LRP1B: variants seen among roughly 807,000 people sequenced by gnomAD.
The protein encoded by LRP1B is LDL receptor related protein 1B, also known as low-density lipoprotein receptor-related protein 1B.
Under a neutral mutation model 556.6 loss-of-function variants are expected in LRP1B, and 217 were observed. The observed-to-expected ratio is 0.39, with a 90% CI of 0.35 to 0.44. The LOEUF is 0.44. LRP1B is among the 20% of genes least tolerant of loss of function. LRP1B has a pLI of 1.00. For missense variants in LRP1B, 5,053 were observed against 5,620.8 expected (o/e 0.90, Z 3.23); for synonymous variants, 2,047 against 1,865.8 (o/e 1.10, Z -2.50).
intron 2 of LRP1B, among the ~76,000 whole-genome samples, chr2:141,594,591 C>G (rs1459938005): frequency 1.3e-5 from 2 of 151,946 alleles, no homozygotes; most frequent in Non-Finnish European, 2.9e-5. Flanking sequence ...TAGAAACAAC[C>G]AATTTAAAGA....
intron 7 of LRP1B, among the ~76,000 whole-genome samples, chr2:141,101,429 A>C (rs72985189): frequency 0.013 from 1,966 of 152,316 alleles, 44 homozygotes; most frequent in African/African-American, 0.044. Context: ...ATATAACATG[A>C]AACTGTAGTT....
chr2:140,950,678 T>A (rs577531682), intron 19 of LRP1B, among the ~76,000 whole-genome samples: 1 of 152,136 alleles, frequency 6.6e-6, no homozygotes, highest in Non-Finnish European at 1.5e-5. Context: ...TTAGTAAAGA[T>A]GGGGTTTCGC....
At chr2:141,124,172 GA>G (rs1247409336) in intron 7 of LRP1B, among the ~76,000 whole-genome samples, 1 of 152,106 alleles carries the variant, frequency 6.6e-6, no homozygotes, top group Non-Finnish European at 1.5e-5. Flanking sequence ...TGGTGGCCAA[GA>G]GAGGCCCAGA....
At chr2:141,307,922 C>T (rs1244638290) in intron 3 of LRP1B, among the ~76,000 whole-genome samples, 1 of 152,122 alleles carries the variant, frequency 6.6e-6, no homozygotes, top group African/African-American at 2.4e-5. Flanking sequence ...GGCCCACTCT[C>T]TGGCTCCCAA....
At chr2:140,987,025 C>A (rs901664430) in intron 17 of LRP1B, among the ~76,000 whole-genome samples, 3 of 151,974 alleles carry the variant, frequency 2.0e-5, no homozygotes, top group Admixed American at 2.0e-4. Flanking sequence ...GATTGAAATC[C>A]AGAAAGAAAT....
chr2:141,624,043 A>AAAAAAAAG (rs1337564557), intron 2 of LRP1B, among the ~76,000 whole-genome samples: 12 of 149,244 alleles, frequency 8.0e-5, no homozygotes, highest in South Asian at 2.1e-4. Flanking sequence ...AAACAAAAAA[A>AAAAAAAAG]AAAAGAAAAG....
At chr2:141,034,493 C>G (rs140774942) in intron 11 of LRP1B, among the ~76,000 whole-genome samples, 62,860 of 151,702 alleles carry the variant, frequency 0.41, 13,298 homozygotes, top group East Asian at 0.6. Context: ...AATCTACAAT[C>G]AACTCAAACA....
At chr2:141,213,187 T>A (rs1212854817) in intron 6 of LRP1B, among the ~76,000 whole-genome samples, 1 of 151,774 alleles carries the variant, frequency 6.6e-6, no homozygotes, top group East Asian at 1.9e-4. Flanking sequence ...CCCAGGCTGA[T>A]GTGATTTTCT....
intron 5 of LRP1B, among the ~76,000 whole-genome samples, chr2:141,240,987 A>G (rs1683848155): frequency 1.3e-5 from 2 of 152,158 alleles, no homozygotes; most frequent in South Asian, 2.1e-4. Context: ...AAAAATGTCA[A>G]AAACGGTGCT....
At chr2:140,343,766 T>A (rs888965872) in intron 77 of LRP1B, among the ~76,000 whole-genome samples, 3 of 151,678 alleles carry the variant, frequency 2.0e-5, no homozygotes, top group African/African-American at 7.2e-5. Flanking sequence ...AATGCCTTAT[T>A]GATATATGCA....
intron 1 of LRP1B, among the ~76,000 whole-genome samples, chr2:142,002,651 C>A (rs1214350482): frequency 6.6e-6 from 1 of 151,834 alleles, no homozygotes; most frequent in Non-Finnish European, 1.5e-5. Context: ...CTCACTGAAA[C>A]CTCCCTAAAC....
At position 140,867,814 on chromosome 2, in the gene LRP1B, G is replaced by C. The variant is rs2105154367; in HGVS notation, c.4355C>G (p.Ala1452Gly). The change falls in exon 27 of 91, where the codon GCC becomes GGC. Residue 1452 changes from alanine (A) to glycine (G), a missense_variant. Physicochemically the swap from Ala to Gly is moderately conservative, Grantham distance 60. Coordinates refer to ENST00000389484, the MANE Select transcript of LRP1B (RefSeq NM_018557.3). ...TATCATGTTTGTTCCATCATAGAGG[G>C]CTGAATAAATAGCATCTGACCTACA... Reference protein sequence around the residue: ...TDARSDAIYSALYDGTNMIEI... With the variant: ...TDARSDAIYSGLYDGTNMIEI... 6.4e-7 allele frequency: 1 copy of C among 1,566,374 alleles called. No homozygotes were observed. Among genetic ancestry groups the C allele is most frequent in the Non-Finnish European group, 8.6e-7 (1 of 1,156,582 alleles).
At chr2:141,136,261 A>G (rs867439337) in intron 7 of LRP1B, among the ~76,000 whole-genome samples, 1 of 151,920 alleles carries the variant, frequency 6.6e-6, no homozygotes, top group Non-Finnish European at 1.5e-5. Context: ...AATAGAACAA[A>G]ATAGATCATA....
At chr2:141,073,224 T>C (rs1558841435) in intron 7 of LRP1B, among the ~76,000 whole-genome samples, 1 of 152,100 alleles carries the variant, frequency 6.6e-6, no homozygotes, top group African/African-American at 2.4e-5. Flanking sequence ...CATCCAAATT[T>C]ACCATTCAAA....
At chr2:140,481,512 T>C (rs1688238634) in intron 59 of LRP1B, among the ~76,000 whole-genome samples, 1 of 151,362 alleles carries the variant, frequency 6.6e-6, no homozygotes. Context: ...AAACAGTACA[T>C]GCATCTGAAG....
At chr2:140,239,157 G>T (rs1354295430) in intron 88 of LRP1B, among the ~76,000 whole-genome samples, 6 of 150,750 alleles carry the variant, frequency 4.0e-5, no homozygotes, top group Non-Finnish European at 7.4e-5. Flanking sequence ...CTGTTTCAAG[G>T]AAAGATAACT....
intron 2 of LRP1B, among the ~76,000 whole-genome samples, chr2:141,496,873 GA>G (rs1373209573): frequency 1.3e-5 from 2 of 151,954 alleles, no homozygotes; most frequent in Non-Finnish European, 2.9e-5. Context: ...GAGAAATTAT[GA>G]AAAAAGTCTG....
intron 6 of LRP1B, among the ~76,000 whole-genome samples, chr2:141,198,152 T>A (rs932960313): frequency 6.6e-6 from 1 of 152,134 alleles, no homozygotes; most frequent in Non-Finnish European, 1.5e-5. Context: ...CTGAATAAGA[T>A]GATATAATTG....
At chr2:141,003,944 G>T (rs527986650) in intron 15 of LRP1B, among the ~76,000 whole-genome samples, 2 of 151,862 alleles carry the variant, frequency 1.3e-5, no homozygotes, top group African/African-American at 4.8e-5. Flanking sequence ...ATTTCTTAGC[G>T]GTTTATTTCT....
Sources: allele counts gnomAD v4.1 joint callset (sites outside exome capture counted in the v4.1 genomes callset), GRCh38; gene constraint gnomAD v4.1.1; transcripts MANE v1.5; gene names NCBI Gene and HGNC (gene_info 2026-07-23, HGNC 2026-07-21).